Variants in GRID2 observed in about 807,000 individuals in gnomAD.
GRID2 encodes the protein glutamate ionotropic receptor delta type subunit 2.
Under a neutral mutation model 114.8 loss-of-function variants are expected in GRID2, and 33 were observed. The ratio of observed to expected loss-of-function variants is 0.29; its 90% CI spans 0.22 to 0.38. GRID2 has a LOEUF of 0.38. GRID2 is among the 10% of genes least tolerant of loss of function. The probability of loss-of-function intolerance (pLI) is 1.00; values close to 1 mark genes in which losing one functional copy is unlikely to be tolerated. For synonymous variants in GRID2, 505 were observed against 449.9 expected, an observed-to-expected ratio of 1.12 and a Z score of -1.55; for missense variants, 1,184 against 1,257.7, an observed-to-expected ratio of 0.94 and a Z score of 0.89.
At chr4:93,211,532 A>G (rs1248544585) in intron 5 of GRID2, among the ~76,000 whole-genome samples, 1 of 152,124 alleles carries the variant, frequency 6.6e-6, no homozygotes, top group Non-Finnish European at 1.5e-5. Flanking sequence ...ACATGTTAGA[A>G]GTCTAGGAGA....
At chr4:93,133,600 T>C (rs535406875) in intron 4 of GRID2, among the ~76,000 whole-genome samples, 2 of 152,346 alleles carry the variant, frequency 1.3e-5, no homozygotes, top group South Asian at 4.1e-4. Context: ...TATCTCACTA[T>C]TGCCATGAAT....
At chr4:93,782,503 C>T (rs1173814070) in intron 1 of GRID2, among the ~76,000 whole-genome samples, 1 of 152,090 alleles carries the variant, frequency 6.6e-6, no homozygotes, top group African/African-American at 2.4e-5. Flanking sequence ...GTTAAGAGTA[C>T]TCTAAGAGAC....
chr4:93,263,652 T>G (rs1750495552), intron 8 of GRID2, among the ~76,000 whole-genome samples: 1 of 152,112 alleles, frequency 6.6e-6, no homozygotes, highest in Admixed American at 6.6e-5. Context: ...TGGCTTATAA[T>G]TAGTGGATCA....
intron 2 of GRID2, among the ~76,000 whole-genome samples, chr4:92,653,766 C>T (rs1732096418): frequency 6.6e-6 from 1 of 152,072 alleles, no homozygotes; most frequent in Non-Finnish European, 1.5e-5. Flanking sequence ...AGGGGCATAG[C>T]TTCCATTCTT....
At chr4:93,281,187 G>T (rs180917865) in intron 8 of GRID2, among the ~76,000 whole-genome samples, 4 of 151,918 alleles carry the variant, frequency 2.6e-5, no homozygotes, top group African/African-American at 7.2e-5. Context: ...ACTAGAGAAG[G>T]CCTCAGAGAA....
chr4:93,362,936 G>A (rs1459999698), intron 8 of GRID2, among the ~76,000 whole-genome samples: 2 of 152,074 alleles, frequency 1.3e-5, no homozygotes, highest in African/African-American at 4.8e-5. Flanking sequence ...TTCCTTACCT[G>A]CAGCGGGGCA....
At chr4:92,718,425 ATAGTT>A (rs1735647744) in intron 2 of GRID2, among the ~76,000 whole-genome samples, 1 of 152,092 alleles carries the variant, frequency 6.6e-6, no homozygotes, top group South Asian at 2.1e-4. Context: ...AATTTTAAAT[ATAGTT>A]TATTTATAGA....
chr4:92,796,527 A>G (rs900116979), intron 2 of GRID2, among the ~76,000 whole-genome samples: 2 of 151,896 alleles, frequency 1.3e-5, no homozygotes, highest in Non-Finnish European at 2.9e-5. Flanking sequence ...TTTGTACATA[A>G]CAGTAGAGTT....
At position 93,375,810 on chromosome 4, in the gene GRID2, G is replaced by C. The variant is rs138795990; in HGVS notation, c.1246-19797G>C. Among the ~76,000 whole-genome samples, 465 of 152,246 alleles carry C rather than the reference G, an allele frequency of 3.1e-3. 3 individuals carry two copies. The highest frequency in any genetic ancestry group is 0.011 in the African/African-American group (448 of 41,562). On this transcript the variant is annotated intron_variant, in intron 8 of 15. Coordinates refer to ENST00000282020, the MANE Select transcript of GRID2 (RefSeq NM_001510.4). ...TCAGCACATGAATGAAGAAGAAATG[G>C]TAAAAGTAAAACATGAACATTTGGC...
At chr4:92,601,148 G>A (rs1275618375) in intron 2 of GRID2, among the ~76,000 whole-genome samples, 2 of 152,170 alleles carry the variant, frequency 1.3e-5, no homozygotes, top group African/African-American at 4.8e-5. Context: ...AGCCTAAAGA[G>A]GCAGTCTAGA....
intron 2 of GRID2, among the ~76,000 whole-genome samples, chr4:92,941,040 G>C (rs1337319693): frequency 2.6e-5 from 4 of 152,058 alleles, no homozygotes; most frequent in Non-Finnish European, 5.9e-5. Context: ...TTTTATTGTT[G>C]TGTCTGTGCC....
At chr4:93,321,217 A>C (rs1757175393) in intron 8 of GRID2, among the ~76,000 whole-genome samples, 1 of 152,040 alleles carries the variant, frequency 6.6e-6, no homozygotes, top group South Asian at 2.1e-4. Flanking sequence ...TAATCCTGAG[A>C]AGGGGTGGTC....
intron 13 of GRID2, among the ~76,000 whole-genome samples, chr4:93,580,767 T>A (rs898497851): frequency 6.6e-6 from 1 of 151,976 alleles, no homozygotes; most frequent in African/African-American, 2.4e-5. Flanking sequence ...TTTTTTTCTT[T>A]TTTTTGGTAT....
intron 2 of GRID2, among the ~76,000 whole-genome samples, chr4:92,973,709 A>G (rs1753668512): frequency 6.6e-6 from 1 of 152,188 alleles, no homozygotes; most frequent in Non-Finnish European, 1.5e-5. Flanking sequence ...ATAATTAGTT[A>G]CTTCTTTATA....
chr4:93,140,161 T>TTTTC (rs1491138864), intron 4 of GRID2, among the ~76,000 whole-genome samples: 1,095 of 41,372 alleles, frequency 0.026, 14 homozygotes, highest in African/African-American at 0.11. Flanking sequence ...TTTTCTTTTC[T>TTTTC]TTTTTTTTTT....
intron 9 of GRID2, among the ~76,000 whole-genome samples, chr4:93,416,247 C>T (rs1384790650): frequency 1.3e-5 from 2 of 151,988 alleles, no homozygotes; most frequent in Non-Finnish European, 2.9e-5. Context: ...CTAATACTCA[C>T]ATATGCTCTA....
intron 13 of GRID2, among the ~76,000 whole-genome samples, chr4:93,615,666 A>G (rs540985525): frequency 8.7e-5 from 13 of 149,218 alleles, no homozygotes; most frequent in African/African-American, 2.9e-4. Context: ...GAAATTGAGG[A>G]AGTTCTGTGT....
chr4:93,075,916 T>C (rs1218934463), intron 2 of GRID2, among the ~76,000 whole-genome samples: 3 of 92,006 alleles, frequency 3.3e-5, no homozygotes, highest in African/African-American at 1.4e-4. Flanking sequence ...TTTTTTTTTT[T>C]TTTTTGAGAT....
chr4:92,665,722 T>C (rs1341477665), intron 2 of GRID2, among the ~76,000 whole-genome samples: 3 of 151,188 alleles, frequency 2.0e-5, no homozygotes, highest in Non-Finnish European at 4.4e-5. Context: ...GTTTTTTTTT[T>C]CTAGTAGTTA....
Sources: allele counts gnomAD v4.1 joint callset (sites outside exome capture counted in the v4.1 genomes callset), GRCh38; gene constraint gnomAD v4.1.1; transcripts MANE v1.5; gene names NCBI Gene and HGNC (gene_info 2026-07-23, HGNC 2026-07-21).